Variants in NBDY observed in about 807,000 individuals in gnomAD.
NBDY encodes the protein P-body dissociating protein.
intron 2 of NBDY, among the ~76,000 whole-genome samples, chrX:56,761,590 C>T (rs2069637249): frequency 8.8e-6 from 1 of 113,310 alleles, no homozygotes; most frequent in Middle Eastern, 4.2e-3. Flanking sequence ...CCTCATTGCT[C>T]ACGTTGATTC....
chrX:56,795,699 A>C (rs35164683), intron 2 of NBDY, among the ~76,000 whole-genome samples: 122 of 112,206 alleles, frequency 1.1e-3, no homozygotes, highest in African/African-American at 3.5e-3. Context: ...CATTCCGTGG[A>C]GAAGACCCAC....
chrX:56,750,271 G>T (rs1416126041), intron 2 of NBDY, among the ~76,000 whole-genome samples: 1 of 111,296 alleles, frequency 9.0e-6, no homozygotes, highest in Non-Finnish European at 1.9e-5. Context: ...CTTCTGCAAC[G>T]TTTAAAATTC....
chrX:56,733,710 G>A (rs2069471543), intron 2 of NBDY, among the ~76,000 whole-genome samples: 1 of 112,028 alleles, frequency 8.9e-6, no homozygotes, highest in East Asian at 2.8e-4. Context: ...TTTCCAAAGA[G>A]CAATGTGTCT....
chrX:56,785,649 A>G (rs1399592995), intron 2 of NBDY, among the ~76,000 whole-genome samples: 1 of 111,378 alleles, frequency 9.0e-6, no homozygotes, highest in African/African-American at 3.3e-5. Flanking sequence ...CAGCCTCCTG[A>G]ACCAACAGGC....
chrX:56,806,192 G>A (rs1343583772), intron 2 of NBDY, among the ~76,000 whole-genome samples: 1 of 112,012 alleles, frequency 8.9e-6, no homozygotes, highest in African/African-American at 3.2e-5. Context: ...ATGTATATGG[G>A]CCACATTTTC....
At chrX:56,765,978 C>T (rs2069663615) in intron 2 of NBDY, among the ~76,000 whole-genome samples, 1 of 111,602 alleles carries the variant, frequency 9.0e-6, no homozygotes, top group African/African-American at 3.3e-5. Flanking sequence ...CTGGAGAAAG[C>T]TTCACATTCG....
At chrX:56,756,231 T>A (rs1361965370) in intron 2 of NBDY, among the ~76,000 whole-genome samples, 2 of 108,651 alleles carry the variant, frequency 1.8e-5, no homozygotes, top group Non-Finnish European at 3.8e-5. Context: ...GCATGGCACA[T>A]GTATACATAT....
chrX:56,730,545 A>AAAAAAAAG (rs1569282385), intron 1 of NBDY, among the ~76,000 whole-genome samples: 3 of 101,584 alleles, frequency 3.0e-5, no homozygotes, highest in Admixed American at 1.1e-4. Context: ...AAAAAAAAAA[A>AAAAAAAAG]AGGAAGGAGG....
intron 2 of NBDY, among the ~76,000 whole-genome samples, chrX:56,814,384 AT>A (rs1387628225): frequency 1.8e-5 from 2 of 110,780 alleles, no homozygotes; most frequent in Middle Eastern, 4.2e-3. Flanking sequence ...TTGATTATAT[AT>A]CAATTAGGGA....
chrX:56,767,458 A>G (rs1020903650), intron 2 of NBDY, among the ~76,000 whole-genome samples: 2 of 113,204 alleles, frequency 1.8e-5, no homozygotes, highest in African/African-American at 6.4e-5. Context: ...CCAAGGTCGG[A>G]GCCGGCTCCC....
intron 2 of NBDY, among the ~76,000 whole-genome samples, chrX:56,746,567 G>A (rs773260471): frequency 2.9e-4 from 32 of 111,186 alleles, no homozygotes; most frequent in African/African-American, 1.0e-3. Flanking sequence ...AAGTCAAGCT[G>A]TTGGCTGGCT....
intron 2 of NBDY, among the ~76,000 whole-genome samples, chrX:56,796,362 C>T (rs1374911736): frequency 8.9e-6 from 1 of 112,411 alleles, no homozygotes; most frequent in African/African-American, 3.2e-5. Context: ...TCATTGCTCA[C>T]TCTGATTCTT....
At chrX:56,798,195 G>A (rs757245232) in intron 2 of NBDY, among the ~76,000 whole-genome samples, 2 of 112,237 alleles carry the variant, frequency 1.8e-5, no homozygotes, top group African/African-American at 3.2e-5. Flanking sequence ...AAATGAATGC[G>A]GGCAATCTTT....
intron 2 of NBDY, among the ~76,000 whole-genome samples, chrX:56,798,692 G>A (rs1458527756): frequency 8.9e-6 from 1 of 111,964 alleles, no homozygotes; most frequent in Non-Finnish European, 1.9e-5. Flanking sequence ...TCTGTCATTT[G>A]TCTTTTACTT....
At chrX:56,738,445 G>A (rs2069509074) in intron 2 of NBDY, among the ~76,000 whole-genome samples, 1 of 111,850 alleles carries the variant, frequency 8.9e-6, no homozygotes. Flanking sequence ...TCTCCCTACA[G>A]AAAGTATCAG....
chrX:56,796,028 T>C (rs911456052), intron 2 of NBDY, among the ~76,000 whole-genome samples: 5 of 111,734 alleles, frequency 4.5e-5, no homozygotes, highest in Non-Finnish European at 9.4e-5. Context: ...GACACCTTCA[T>C]TCACACCTGT....
At position 56,814,543 on chromosome X, in the gene NBDY, T is replaced by C. The variant is rs768350710; in HGVS notation, c.*167-2777T>C. 4.1e-4 allele frequency among the ~76,000 whole-genome samples: 44 copies of C among 108,030 alleles called. 1 individual carries two copies. The highest frequency in any genetic ancestry group is 1.5e-3 in the African/African-American group (43 of 29,604). 93.8% of individuals were successfully genotyped at this position (108,030 alleles called of 115,157 possible). On this transcript the variant is annotated intron_variant, in intron 2 of 2. Coordinates refer to ENST00000374922, the MANE Select transcript of NBDY (RefSeq NM_001348129.2). ...AGTCTCGCTCTGTTGTCTAGGCTGG[T>C]GTGCAGTGGTGTGACCTTGACTCAT... is the stretch of plus-strand genomic sequence containing the variant.
intron 2 of NBDY, among the ~76,000 whole-genome samples, chrX:56,734,107 A>T (rs1428496181): frequency 1.8e-5 from 2 of 112,548 alleles, no homozygotes; most frequent in Non-Finnish European, 3.8e-5. Context: ...TCTAGAATTT[A>T]AAAACAGGAA....
At chrX:56,798,836 C>A (rs2069806963) in intron 2 of NBDY, among the ~76,000 whole-genome samples, 1 of 112,102 alleles carries the variant, frequency 8.9e-6, no homozygotes, top group Non-Finnish European at 1.9e-5. Context: ...TGGTGGTCAA[C>A]CTGGGACCAG....
Sources: gnomAD v4.1 joint callset for allele counts (sites outside exome capture counted in the v4.1 genomes callset) on GRCh38, gnomAD v4.1.1 for gene constraint, MANE v1.5 for transcripts, NCBI Gene and HGNC (gene_info 2026-07-23, HGNC 2026-07-21) for gene names.